The following SMARCC1 variants were observed in gnomAD, a reference collection of about 807,000 sequenced individuals.
SMARCC1 encodes SWI/SNF complex subunit SMARCC1.
Under a neutral mutation model 147.4 loss-of-function variants are expected in SMARCC1, and 43 were observed. That is an observed-to-expected ratio of 0.29 (90% CI 0.23 to 0.38). The LOEUF is 0.38. Among genes scored for constraint, SMARCC1 ranks in the 10% least tolerant of loss-of-function variants. The probability of loss-of-function intolerance (pLI) is 1.00; values close to 1 mark genes in which losing one functional copy is unlikely to be tolerated. For missense variants in SMARCC1, 1,119 were observed against 1,381.1 expected (o/e 0.81, Z 3.01); for synonymous variants, 495 against 484.4 (o/e 1.02, Z -0.29).
chr3:47,675,383 T>C (rs542958905), intron 18 of SMARCC1, 92 bp downstream of exon 18: 10 of 598,076 alleles, frequency 1.7e-5, no homozygotes, highest in Non-Finnish European at 3.0e-5. Context: ...TTTTTAAAAA[T>C]ACCATCAGAT....
At chr3:47,652,761 T>C (rs1445973497) in intron 21 of SMARCC1, among the ~76,000 whole-genome samples, 2 of 152,034 alleles carry the variant, frequency 1.3e-5, no homozygotes, top group East Asian at 1.9e-4. Flanking sequence ...AATGGTCCAG[T>C]CAATGAAAAA....
intron 26 of SMARCC1, among the ~76,000 whole-genome samples, chr3:47,609,405 G>A (rs1422076229): frequency 7.2e-5 from 11 of 152,004 alleles, no homozygotes; most frequent in Non-Finnish European, 1.6e-4. Flanking sequence ...GCTGAGGCAG[G>A]AGAATGGCAT....
intron 15 of SMARCC1, chr3:47,680,168 G>T: frequency 3.4e-6 from 1 of 297,842 alleles, no homozygotes; most frequent in Non-Finnish European, 6.1e-6. Flanking sequence ...ATTTCTGTGA[G>T]CCAAGATCAT....
chr3:47,599,359 A>G (rs996600567), intron 26 of SMARCC1, among the ~76,000 whole-genome samples: 4 of 152,160 alleles, frequency 2.6e-5, no homozygotes, highest in Admixed American at 2.6e-4. Context: ...CTCCAGCCTG[A>G]GCGACAAAAG....
intron 6 of SMARCC1, among the ~76,000 whole-genome samples, chr3:47,725,269 A>G (rs553641387): frequency 7.2e-5 from 11 of 152,124 alleles, no homozygotes; most frequent in East Asian, 3.9e-4. Flanking sequence ...CTGAACAAAT[A>G]TATCTATACA....
At chr3:47,659,732 A>T (rs2033315172) in intron 21 of SMARCC1, among the ~76,000 whole-genome samples, 1 of 133,050 alleles carries the variant, frequency 7.5e-6, no homozygotes, top group African/African-American at 2.8e-5. Context: ...AACTGCTCTA[A>T]GACATAAAGT....
chr3:47,696,283 A>G (rs148335841), intron 11 of SMARCC1, among the ~76,000 whole-genome samples: 5,777 of 151,816 alleles, frequency 0.038, 368 homozygotes, highest in African/African-American at 0.13. Flanking sequence ...CTGAGGCAGG[A>G]CAATCACTAG....
intron 25 of SMARCC1, chr3:47,610,688 A>G (rs1576386819): frequency 3.8e-6 from 1 of 262,044 alleles, no homozygotes; most frequent in Non-Finnish European, 7.5e-6. Flanking sequence ...AGTCTTCCCC[A>G]GGTAAAACGA....
intron 27 of SMARCC1, among the ~76,000 whole-genome samples, chr3:47,589,394 T>C (rs979514533): frequency 2.0e-5 from 3 of 152,176 alleles, no homozygotes; most frequent in Non-Finnish European, 4.4e-5. Context: ...CAGCAGGACA[T>C]GACAGTGGTA....
intron 2 of SMARCC1, among the ~76,000 whole-genome samples, chr3:47,755,204 A>G (rs1278874305): frequency 6.6e-6 from 1 of 151,950 alleles, no homozygotes. Flanking sequence ...GTCTGTCTCA[A>G]AAACTAAATT....
intron 26 of SMARCC1, among the ~76,000 whole-genome samples, chr3:47,607,187 T>G (rs1255649581): frequency 6.6e-6 from 1 of 152,170 alleles, no homozygotes; most frequent in Non-Finnish European, 1.5e-5. Flanking sequence ...TGCACCTTGT[T>G]GTGAGCAGGG....
chr3:47,630,746 C>A (rs532307235), intron 24 of SMARCC1, among the ~76,000 whole-genome samples: 24 of 152,262 alleles, frequency 1.6e-4, no homozygotes, highest in Non-Finnish European at 2.2e-4. Context: ...CTAAAGTATA[C>A]AATGACATTT....
intron 11 of SMARCC1, among the ~76,000 whole-genome samples, chr3:47,695,221 C>G (rs2033834297): frequency 6.6e-6 from 1 of 152,150 alleles, no homozygotes; most frequent in African/African-American, 2.4e-5. Context: ...TAAGTCCTAG[C>G]TACCAGGGAT....
intron 26 of SMARCC1, among the ~76,000 whole-genome samples, chr3:47,601,032 A>AGAGAGG (rs1314636572): frequency 1.9e-4 from 29 of 150,224 alleles, no homozygotes; most frequent in African/African-American, 6.8e-4. Flanking sequence ...AGAGAGAGAG[A>AGAGAGG]GAGAGAGAGA....
At chr3:47,699,442 C>T (rs2106785378) in intron 11 of SMARCC1, among the ~76,000 whole-genome samples, 1 of 152,252 alleles carries the variant, frequency 6.6e-6, no homozygotes, top group South Asian at 2.1e-4. Flanking sequence ...AGACAACACA[C>T]CATCAGCTGA....
chr3:47,733,902 T>C (rs1328679239), intron 5 of SMARCC1, among the ~76,000 whole-genome samples: 1 of 149,434 alleles, frequency 6.7e-6, no homozygotes, highest in Non-Finnish European at 1.5e-5. Context: ...CACGTATATA[T>C]ATACACACAT....
intron 24 of SMARCC1, among the ~76,000 whole-genome samples, chr3:47,625,512 G>A (rs1025109617): frequency 3.9e-5 from 6 of 151,998 alleles, no homozygotes; most frequent in Non-Finnish European, 7.4e-5. Flanking sequence ...TGGGATTACC[G>A]GCATGAGCCA....
At chr3:47,728,078 CTTTTTTTTTTTTTTTTT>C (rs1166964500) in intron 6 of SMARCC1, among the ~76,000 whole-genome samples, 1 of 56,860 alleles carries the variant, frequency 1.8e-5, no homozygotes, top group Non-Finnish European at 3.0e-5. Context: ...TTATTAGTCC[CTTTTTTTTTTTTTTTTT>C]TTTTTTTTTG....
chr3:47,745,703 T>C lies in SMARCC1; in HGVS notation c.401+205A>G, dbSNP rs141891350. Among the ~76,000 whole-genome samples the C allele has an allele frequency of 7.1e-3, 1,083 of 152,262 alleles. 4 individuals carry two copies. The highest frequency in any genetic ancestry group is 0.011 in the Non-Finnish European group (781 of 68,014). ...TTCTAGCCTTGCCAACAGCCTTGGTTGGTCCTATTTTTAAGACCCTGTCTC... is the reference window on the plus strand; with the variant it reads ...TTCTAGCCTTGCCAACAGCCTTGGTCGGTCCTATTTTTAAGACCCTGTCTC... On this transcript the variant is annotated intron_variant, in intron 3 of 27. Transcript: ENST00000254480.
Sources: gnomAD v4.1 joint callset for allele counts (sites outside exome capture counted in the v4.1 genomes callset) on GRCh38, gnomAD v4.1.1 for gene constraint, MANE v1.5 for transcripts, NCBI Gene and HGNC (gene_info 2026-07-23, HGNC 2026-07-21) for gene names.